Variants in CAMTA1 observed in about 807,000 individuals in gnomAD.
The protein encoded by CAMTA1 is calmodulin binding transcription activator 1.
A neutral mutation model predicts 170.9 loss-of-function variants in CAMTA1; 27 were observed. The ratio of observed to expected loss-of-function variants is 0.16; its 90% confidence interval spans 0.12 to 0.22. The LOEUF is 0.22. Ranked by LOEUF, CAMTA1 falls within the 10% of genes least tolerant of loss-of-function variation. The probability of loss-of-function intolerance (pLI) is 1.00; values close to 1 mark genes in which losing one functional copy is unlikely to be tolerated. For missense variants in CAMTA1, 1,619 were observed against 2,217.2 expected (o/e 0.73, Z 5.42); for synonymous variants, 833 against 891.5 (o/e 0.93, Z 1.17).
chr1:7,158,258 T>C (rs1647010684), intron 4 of CAMTA1, among the ~76,000 whole-genome samples: 1 of 152,200 alleles, frequency 6.6e-6, no homozygotes, highest in Non-Finnish European at 1.5e-5. Context: ...CAAGAGTACA[T>C]GTTATATGTT....
rs907478623 is a variant in CAMTA1 at position 7,659,878 on chromosome 1, C to T, written c.665-1848C>T. 4.6e-5 allele frequency among the ~76,000 whole-genome samples: 7 copies of T among 152,342 alleles called. No homozygotes were observed. In the East Asian group the frequency reaches 1.2e-3, roughly 25 times the overall value. On this transcript the variant is annotated intron_variant, in intron 7 of 22. Coordinates refer to ENST00000303635, the MANE Select transcript of CAMTA1 (RefSeq NM_015215.4). ...GTTTTCTCCTGGCCAGTTCTCCAGG[C>T]AGGAACTACTATATGCCCACTTTAC... is the stretch of plus-strand genomic sequence containing the variant.
intron 9 of CAMTA1, 150 bp from the exon 10 acceptor site, chr1:7,670,761 A>T: frequency 1.2e-6 from 1 of 830,232 alleles, no homozygotes; most frequent in Non-Finnish European, 1.9e-6. Context: ...GTCGGGGCTC[A>T]CTGCAATCCC....
At chr1:6,868,131 T>TTTTTTTTTTTTGAGACGGA (rs1667231410) in intron 3 of CAMTA1, among the ~76,000 whole-genome samples, 1 of 151,984 alleles carries the variant, frequency 6.6e-6, no homozygotes, top group Admixed American at 6.6e-5. Context: ...TTTTAATTGT[T>TTTTTTTTTTTTGAGACGGA]GAATATACTT....
intron 11 of CAMTA1, among the ~76,000 whole-genome samples, chr1:7,713,142 T>G (rs1216252159): frequency 6.6e-6 from 1 of 152,018 alleles, no homozygotes; most frequent in Non-Finnish European, 1.5e-5. Context: ...ACAGAGTGAG[T>G]GAGGGAGTCT....
At chr1:7,677,558 C>T in intron 10 of CAMTA1, 41 bp from the exon 11 acceptor site, 2 of 1,598,016 alleles carry the variant, frequency 1.3e-6, no homozygotes, top group Non-Finnish European at 1.7e-6. Flanking sequence ...GCTGTAGGTA[C>T]CCACCCATCC....
chr1:7,569,530 CCAA>C (rs1435341795), intron 6 of CAMTA1, among the ~76,000 whole-genome samples: 3 of 151,238 alleles, frequency 2.0e-5, no homozygotes, highest in African/African-American at 7.3e-5. Context: ...TCATCATTCT[CCAA>C]CATCATCATC....
intron 7 of CAMTA1, among the ~76,000 whole-genome samples, chr1:7,655,285 C>CACACGA (rs1553235782): frequency 9.7e-5 from 13 of 133,816 alleles, no homozygotes; most frequent in Non-Finnish European, 2.1e-4. Context: ...CACCGTTATA[C>CACACGA]ACACACACAC....
intron 1 of CAMTA1, among the ~76,000 whole-genome samples, chr1:6,789,383 T>C (rs1299973957): frequency 6.6e-6 from 1 of 152,204 alleles, no homozygotes; most frequent in Non-Finnish European, 1.5e-5. Context: ...CCATGTGTCC[T>C]GCTCGGTTTT....
At chr1:7,430,140 A>G (rs2092085085) in intron 5 of CAMTA1, among the ~76,000 whole-genome samples, 1 of 152,096 alleles carries the variant, frequency 6.6e-6, no homozygotes, top group Non-Finnish European at 1.5e-5. Context: ...GATGGCAATG[A>G]TGGGGATGAT....
At chr1:7,546,813 T>A (rs1041683687) in intron 6 of CAMTA1, among the ~76,000 whole-genome samples, 1 of 152,196 alleles carries the variant, frequency 6.6e-6, no homozygotes. Flanking sequence ...TTTTGAAAAG[T>A]GTCTGTTGAT....
intron 6 of CAMTA1, among the ~76,000 whole-genome samples, chr1:7,508,810 A>C (rs1282186964): frequency 1.3e-5 from 2 of 152,102 alleles, no homozygotes; most frequent in Non-Finnish European, 2.9e-5. Context: ...CCTGGAGGAG[A>C]GGGGCATCCA....
chr1:7,050,273 G>A lies in CAMTA1; in HGVS notation c.235-41031G>A, dbSNP rs1358286974. On this transcript the variant is annotated intron_variant, in intron 3 of 22. Transcript: ENST00000303635. This position sits in a 1 kb window ranked among gnomAD's most constrained non-coding sequence, Gnocchi z 4.8. ...GGTAGGACCACAGCCTCCTTGTCTT[G>A]CCTTCCTGGGGAGATGGGGCAGGAA... 6.6e-6 allele frequency among the ~76,000 whole-genome samples: 1 copy of A among 152,138 alleles called. No homozygotes were observed. The highest frequency in any genetic ancestry group is 1.5e-5 in the Non-Finnish European group (1 of 68,002).
chr1:6,818,888 G>A (rs1056155387), intron 1 of CAMTA1, among the ~76,000 whole-genome samples: 5 of 151,366 alleles, frequency 3.3e-5, no homozygotes, highest in African/African-American at 4.9e-5. Context: ...TAATCCACCC[G>A]CATTGGCTCC....
At chr1:6,894,338 A>T (rs1311603604) in intron 3 of CAMTA1, among the ~76,000 whole-genome samples, 1 of 151,502 alleles carries the variant, frequency 6.6e-6, no homozygotes, top group Non-Finnish European at 1.5e-5. Flanking sequence ...AATAAAATTT[A>T]ATTATGCTAT....
intron 5 of CAMTA1, among the ~76,000 whole-genome samples, chr1:7,457,541 G>T (rs1275427520): frequency 6.6e-6 from 1 of 152,062 alleles, no homozygotes; most frequent in Non-Finnish European, 1.5e-5. Flanking sequence ...CAGTGTCCCC[G>T]GGCCAGGCTG....
chr1:7,263,011 C>T (rs1253120042), intron 5 of CAMTA1, among the ~76,000 whole-genome samples: 3 of 152,124 alleles, frequency 2.0e-5, no homozygotes, highest in Non-Finnish European at 4.4e-5. Flanking sequence ...GAAGTAGCTC[C>T]CCTCCCAGAT....
intron 11 of CAMTA1, chr1:7,694,386 A>C (rs2096351949): frequency 6.6e-6 from 1 of 152,200 alleles, no homozygotes; most frequent in Non-Finnish European, 1.5e-5. Context: ...GTTTTCCTAG[A>C]TGGAGATGTG....
At chr1:7,423,389 G>A (rs2091692000) in intron 5 of CAMTA1, among the ~76,000 whole-genome samples, 1 of 150,196 alleles carries the variant, frequency 6.7e-6, no homozygotes, top group African/African-American at 2.5e-5. Flanking sequence ...AGAATCGCTT[G>A]AACCCGGAGG....
At chr1:7,084,860 C>T (rs996366143) in intron 3 of CAMTA1, among the ~76,000 whole-genome samples, 7 of 152,150 alleles carry the variant, frequency 4.6e-5, no homozygotes, top group Non-Finnish European at 1.0e-4. Flanking sequence ...TATGAGATAG[C>T]TTGTGACTAC....
Sources: gnomAD v4.1 joint callset for allele counts (sites outside exome capture counted in the v4.1 genomes callset) on GRCh38, gnomAD v4.1.1 for gene constraint, Gnocchi (gnomAD v3.1) non-coding constraint, MANE v1.5 for transcripts, NCBI Gene and HGNC (gene_info 2026-07-23, HGNC 2026-07-21) for gene names.